TRPM3: variants seen among roughly 807,000 people sequenced by gnomAD.
TRPM3 encodes the protein transient receptor potential cation channel subfamily M member 3.
A neutral mutation model predicts 181.2 loss-of-function variants in TRPM3; 77 were observed. The observed-to-expected ratio is 0.42, with a 90% confidence interval of 0.35 to 0.51. TRPM3 has a LOEUF of 0.51. TRPM3 is among the 20% of genes least tolerant of loss of function. TRPM3 has a pLI of 0.01. For synonymous variants in TRPM3, 745 were observed against 796.4 expected (o/e 0.94, Z 1.09); for missense variants, 1,759 against 2,196.7 (o/e 0.80, Z 3.98).
At chr9:70,785,838 T>C (rs2083470311) in intron 6 of TRPM3, among the ~76,000 whole-genome samples, 1 of 152,176 alleles carries the variant, frequency 6.6e-6, no homozygotes, top group Non-Finnish European at 1.5e-5. Context: ...TGGGTGCTGT[T>C]TTGCATGTCC....
intron 22 of TRPM3, among the ~76,000 whole-genome samples, chr9:70,569,500 T>C (rs1399754325): frequency 6.6e-6 from 1 of 152,218 alleles, no homozygotes; most frequent in Non-Finnish European, 1.5e-5. Flanking sequence ...ACTAGTTATA[T>C]TGACGGTTGC....
At chr9:70,847,532 C>T (rs1242266799) in intron 3 of TRPM3, among the ~76,000 whole-genome samples, 1 of 149,656 alleles carries the variant, frequency 6.7e-6, no homozygotes, top group Non-Finnish European at 1.5e-5. Context: ...CCCTGGAAGA[C>T]CTAGAGCATC....
chr9:70,632,087 T>C (rs1447630888), intron 12 of TRPM3, among the ~76,000 whole-genome samples: 1 of 152,188 alleles, frequency 6.6e-6, no homozygotes. Context: ...TTTCCCCCCA[T>C]AATTGTAAAG....
At chr9:71,302,091 T>C (rs2132335067) in intron 1 of TRPM3, among the ~76,000 whole-genome samples, 1 of 152,270 alleles carries the variant, frequency 6.6e-6, no homozygotes, top group South Asian at 2.1e-4. Flanking sequence ...CAAAAAATCA[T>C]GTATAATTTA....
At chr9:71,050,251 T>C (rs2059919567) in intron 1 of TRPM3, among the ~76,000 whole-genome samples, 1 of 152,194 alleles carries the variant, frequency 6.6e-6, no homozygotes, top group Admixed American at 6.5e-5. Flanking sequence ...TGGAGGAGAC[T>C]CCTAATTTTT....
chr9:70,952,930 AT>A (rs1044777973), intron 1 of TRPM3, among the ~76,000 whole-genome samples: 2 of 152,160 alleles, frequency 1.3e-5, no homozygotes, highest in African/African-American at 4.8e-5. Flanking sequence ...CATTCAAACT[AT>A]TTTTCTGCAG....
chr9:71,080,858 T>C (rs2064200566), intron 1 of TRPM3, among the ~76,000 whole-genome samples: 2 of 152,142 alleles, frequency 1.3e-5, no homozygotes, highest in South Asian at 4.1e-4. Flanking sequence ...GCCCGGTAAA[T>C]TATGTAGTAG....
At chr9:71,207,457 C>T (rs953426747) in intron 1 of TRPM3, among the ~76,000 whole-genome samples, 2 of 152,048 alleles carry the variant, frequency 1.3e-5, no homozygotes, top group African/African-American at 4.8e-5. Context: ...AGTTCACAAA[C>T]CAAAATTAAA....
At chr9:70,897,987 C>T (rs2096306495) in intron 1 of TRPM3, among the ~76,000 whole-genome samples, 1 of 152,102 alleles carries the variant, frequency 6.6e-6, no homozygotes, top group Non-Finnish European at 1.5e-5. Context: ...CTGGAGCTTG[C>T]CTAGCTCTGC....
At chr9:70,928,418 C>T (rs2096742473) in intron 1 of TRPM3, among the ~76,000 whole-genome samples, 1 of 152,184 alleles carries the variant, frequency 6.6e-6, no homozygotes, top group Non-Finnish European at 1.5e-5. Flanking sequence ...TCTTGACCCT[C>T]TGGCCACAGT....
At chr9:71,173,495 A>G (rs2076962246) in intron 1 of TRPM3, among the ~76,000 whole-genome samples, 1 of 152,224 alleles carries the variant, frequency 6.6e-6, no homozygotes, top group Non-Finnish European at 1.5e-5. Context: ...TTTGGTGGCG[A>G]TGAAAGAAAC....
chr9:71,145,284 C>G (rs2075343050), intron 1 of TRPM3, among the ~76,000 whole-genome samples: 1 of 152,124 alleles, frequency 6.6e-6, no homozygotes, highest in Non-Finnish European at 1.5e-5. Flanking sequence ...AGGGTAACTT[C>G]CCTGGAGCTA....
intron 1 of TRPM3, among the ~76,000 whole-genome samples, chr9:71,089,044 G>A (rs765636814): frequency 6.7e-6 from 1 of 149,008 alleles, no homozygotes; most frequent in Non-Finnish European, 1.5e-5. Context: ...AGGGCAGAAG[G>A]CAACCTCAAA....
intron 6 of TRPM3, among the ~76,000 whole-genome samples, chr9:70,796,074 C>A (rs894184277): frequency 6.6e-6 from 1 of 152,216 alleles, no homozygotes; most frequent in African/African-American, 2.4e-5. Flanking sequence ...CTGTGCAAAA[C>A]CCACATCAAA....
At chr9:70,579,844 A>C (rs2055157572) in intron 22 of TRPM3, among the ~76,000 whole-genome samples, 2 of 152,136 alleles carry the variant, frequency 1.3e-5, no homozygotes, top group African/African-American at 4.8e-5. Flanking sequence ...GTCTTTGTGA[A>C]GCCTCCCCAC....
In TRPM3 at chr9:70,573,634, AC is replaced by A. The variant is rs1299275926; in HGVS notation, c.3223+17396del. Among the ~76,000 whole-genome samples, 24 of 152,234 alleles carry A rather than the reference AC, an allele frequency of 1.6e-4. No individual in the cohort carries two copies. In the East Asian group the frequency reaches 4.4e-3, roughly 28 times the overall value. ...AAAAACAAAAAACAAAAAAACCAAA[AC>A]AAAAACCTTGAATTTCCAAGGTAAA... is the stretch of plus-strand genomic sequence containing the variant. On this transcript the variant is annotated intron_variant, in intron 22 of 25. Coordinates refer to ENST00000677713, the MANE Select transcript of TRPM3 (RefSeq NM_001366145.2).
chr9:70,992,294 G>A (rs1232957766), intron 1 of TRPM3, among the ~76,000 whole-genome samples: 1 of 152,138 alleles, frequency 6.6e-6, no homozygotes, highest in African/African-American at 2.4e-5. Context: ...GCTCTCTACT[G>A]TGTAGGATGT....
At chr9:70,962,184 C>T (rs1400468849) in intron 1 of TRPM3, among the ~76,000 whole-genome samples, 1 of 152,088 alleles carries the variant, frequency 6.6e-6, no homozygotes, top group African/African-American at 2.4e-5. Flanking sequence ...ATGTGGCCTC[C>T]AAGCTCCTGT....
chr9:71,302,752 G>A (rs1198063424), intron 1 of TRPM3, among the ~76,000 whole-genome samples: 1 of 150,230 alleles, frequency 6.7e-6, no homozygotes, highest in Non-Finnish European at 1.5e-5. Flanking sequence ...GATTATTAAT[G>A]TCAATTGCAG....
Sources: gnomAD v4.1 joint callset for allele counts (sites outside exome capture counted in the v4.1 genomes callset) on GRCh38, gnomAD v4.1.1 for gene constraint, MANE v1.5 for transcripts, NCBI Gene and HGNC (gene_info 2026-07-23, HGNC 2026-07-21) for gene names.